OVCH2: variants seen among roughly 807,000 people sequenced by gnomAD.
OVCH2 encodes ovochymase-2.
OVCH2 carries 88 observed loss-of-function variants against 73.7 expected under a neutral mutation model. The observed-to-expected ratio is 1.19, with a 90% CI of 1.01 to 1.43. The LOEUF is 1.43. OVCH2 is among the 40% of genes most tolerant of loss of function. The pLI is 0.00. For missense variants in OVCH2, 706 were observed against 674.5 expected (o/e 1.05, Z -0.52); for synonymous variants, 265 against 234.5 (o/e 1.13, Z -1.19).
At chr11:7,698,303 G>A (rs555716411) in intron 8 of OVCH2, among the ~76,000 whole-genome samples, 2 of 152,308 alleles carry the variant, frequency 1.3e-5, no homozygotes, top group South Asian at 2.1e-4. Flanking sequence ...AAGTGTCTTA[G>A]AGACCATCTG....
At chr11:7,680,550 A>C in the OVCH2 span, among the ~76,000 whole-genome samples, 1 of 152,182 alleles carries the variant, frequency 6.6e-6, no homozygotes, top group East Asian at 1.9e-4. Context: ...CCATAACAGA[A>C]GCAGCGACTG....
In OVCH2 at chr11:7,704,709, T is replaced by C. The variant is rs754700654; in HGVS notation, c.89-35A>G. The C allele has an allele frequency of 6.3e-6, 9 of 1,421,572 alleles. No homozygotes were observed. In the African/African-American group the frequency reaches 7.1e-5, roughly 11 times the overall value. 88.1% of individuals were successfully genotyped at this position (1,421,572 alleles called of 1,614,324 possible). On this transcript the variant is annotated intron_variant, in intron 1 of 15. Transcript: ENST00000533663. ...AAACGAGACAAACTAAATGATTAGA[T>C]AGCTTCTAGGATTGAGGTAATATCT... is the stretch of plus-strand genomic sequence containing the variant.
At position 7,701,307 on chromosome 11, in the gene OVCH2, C is replaced by G; in HGVS notation, c.711+17G>C. ...AATCCTTGCCTGGGGCCTGACAGCC[C>G]CGCAGCTCCCACCCACCTGACATGC... On this transcript the variant is annotated intron_variant, in intron 6 of 15. Coordinates refer to ENST00000533663, the MANE Select transcript of OVCH2 (RefSeq NM_198185.7). 1 of 1,602,090 alleles carries G rather than the reference C, an allele frequency of 6.2e-7. No homozygotes were observed. Among genetic ancestry groups the G allele is most frequent in the East Asian group, 2.2e-5 (1 of 44,698 alleles).
chr11:7,700,164 C>T (rs1856407510), intron 7 of OVCH2, 132 bp downstream of exon 7: 1 of 836,536 alleles, frequency 1.2e-6, no homozygotes, highest in South Asian at 1.9e-5. Flanking sequence ...ACCTCACAAT[C>T]CTTGTGTGCT....
intron 8 of OVCH2, among the ~76,000 whole-genome samples, chr11:7,697,707 A>C (rs1474649763): frequency 6.6e-6 from 1 of 151,600 alleles, no homozygotes; most frequent in Non-Finnish European, 1.5e-5. Context: ...CCCAATCCTC[A>C]TTTCTCGTTT....
At position 7,696,710 on chromosome 11, in the gene OVCH2, G is replaced by A. The variant is rs1356719063; in HGVS notation, c.1015C>T (p.Gln339Ter). 1.2e-6 allele frequency: 2 copies of A among 1,613,798 alleles called. No individual in the cohort carries two copies. Among genetic ancestry groups the A allele is most frequent in the East Asian group, 2.2e-5 (1 of 44,866 alleles). Residue 339 changes from glutamine (Q) to a stop codon, truncating the protein, a stop_gained and splice_region_variant, in exon 9 of 16, where the codon CAA (glutamine) becomes TAA (stop). Transcript: ENST00000533663. LOFTEE classifies it high-confidence loss of function. ...ESLHLYYESK[Q>*]RCVWTLLVPE... ...AGGAGTACAAAGGGGGTTACTCACT[G>A]CTTGCTCTCATAATATAGGTGGAGG...
At chr11:7,690,969 A>G (rs1473073671) in intron 14 of OVCH2, among the ~76,000 whole-genome samples, 1 of 152,178 alleles carries the variant, frequency 6.6e-6, no homozygotes, top group African/African-American at 2.4e-5. Context: ...ATGGCCGTGA[A>G]TTCATTGTAA....
intron 8 of OVCH2, chr11:7,697,025 TCTCTTTTTA>T (rs963023005): frequency 3.2e-4 from 136 of 418,562 alleles, no homozygotes; most frequent in African/African-American, 5.5e-4. Context: ...AACTCTTCTC[TCTCTTTTTA>T]TTTTATTTTA....
the OVCH2 span, among the ~76,000 whole-genome samples, chr11:7,683,959 G>A: frequency 6.6e-6 from 1 of 150,622 alleles, no homozygotes; most frequent in South Asian, 2.1e-4. Flanking sequence ...CCCTATTCCT[G>A]CTTTATTTTT....
intron 12 of OVCH2, among the ~76,000 whole-genome samples, chr11:7,692,950 A>G (rs892806000): frequency 6.6e-6 from 1 of 152,196 alleles, no homozygotes; most frequent in African/African-American, 2.4e-5. Context: ...GAATATCTTT[A>G]GGCATTTACT....
intron 1 of OVCH2, among the ~76,000 whole-genome samples, chr11:7,704,984 T>G (rs924865216): frequency 6.6e-6 from 1 of 152,158 alleles, no homozygotes; most frequent in African/African-American, 2.4e-5. Flanking sequence ...TTGTTTTTAT[T>G]TATTTGCCCT....
downstream of OVCH2, among the ~76,000 whole-genome samples, chr11:7,686,953 C>T (rs1019299480): frequency 3.9e-5 from 6 of 152,088 alleles, no homozygotes; most frequent in African/African-American, 7.2e-5. Context: ...CAGCAGGAAT[C>T]GTTGCCCGCA....
chr11:7,697,029 T>TA (rs1411260191), intron 8 of OVCH2: 14 of 528,164 alleles, frequency 2.7e-5, no homozygotes, highest in East Asian at 6.3e-5. Flanking sequence ...CTTCTCTCTC[T>TA]TTTTATTTTA....
chr11:7,683,141 T>G, the OVCH2 span, among the ~76,000 whole-genome samples: 1 of 152,354 alleles, frequency 6.6e-6, no homozygotes, highest in Admixed American at 6.5e-5. Flanking sequence ...TTTGAAGTTT[T>G]CATATCCAGG....
rs1159283760 is a variant in OVCH2, at chr11:7,704,493, C to T, written c.198+72G>A. The T allele has an allele frequency of 9.0e-6, 10 of 1,112,742 alleles. No homozygotes were observed. The East Asian group carries it at 2.6e-4, about 29-fold the overall frequency. The allele number at this position is 1,112,742 out of a possible 1,614,324, so 68.9% of individuals were successfully genotyped here. ...GCTGTAGGCTCCTCAAAGATATAAA[C>T]TTAACCTTAAAAATATCTATATCCA... is the stretch of plus-strand genomic sequence containing the variant. On this transcript the variant is annotated intron_variant, in intron 2 of 15. Coordinates refer to ENST00000533663, the MANE Select transcript of OVCH2 (RefSeq NM_198185.7).
intron 2 of OVCH2, 66 bp from the exon 3 acceptor site, chr11:7,703,855 A>G: frequency 7.9e-7 from 1 of 1,264,846 alleles, no homozygotes; most frequent in East Asian, 2.5e-5. Context: ...CACGGTGATG[A>G]AGCCTATTCT....
Position 7,704,640 on chromosome 11 carries a change from C to T in OVCH2, c.123G>A (p.Gln41=). The stretch of plus-strand genomic sequence containing the variant: ...TGAAAATGTTAAAATAATTCCAAGG[C>T]TGTACCTTAACCAGACTCTGCCCAC... ...PSCGQSLVKV[Q]PWNYFNIFSR... is the part of the protein sequence containing the mutation. The change falls in exon 2 of 16, where the codon CAG becomes CAA. Residue 41 remains glutamine (Q), a synonymous_variant. Transcript: ENST00000533663. 2.5e-6 allele frequency: 4 copies of T among 1,612,688 alleles called. No homozygotes were observed. Among genetic ancestry groups the T allele is most frequent in the Non-Finnish European group, 3.4e-6 (4 of 1,179,352 alleles).
intron 14 of OVCH2, 124 bp downstream of exon 14, chr11:7,691,145 G>T: frequency 8.3e-7 from 1 of 1,208,750 alleles, no homozygotes; most frequent in Non-Finnish European, 1.2e-6. Context: ...ATGGTGACTT[G>T]ATAGGATGTA....
intron 1 of OVCH2, chr11:7,706,080 A>G (rs1432960669): frequency 4.7e-6 from 2 of 423,650 alleles, no homozygotes; most frequent in African/African-American, 2.1e-5. Context: ...GAAAACAGGG[A>G]TTGTTTACTT....
Sources: gnomAD v4.1 joint callset for allele counts (sites outside exome capture counted in the v4.1 genomes callset) on GRCh38, gnomAD v4.1.1 for gene constraint, MANE v1.5 for transcripts, NCBI Gene and HGNC (gene_info 2026-07-23, HGNC 2026-07-21) for gene names.